PSMA7: variants seen among roughly 807,000 people sequenced by gnomAD.
The protein encoded by PSMA7 is proteasome subunit alpha type-7.
PSMA7 carries 5 observed loss-of-function variants against 31.3 expected under a neutral mutation model. The observed-to-expected ratio is 0.16, with a 90% CI of 0.08 to 0.34. The LOEUF (loss-of-function observed/expected upper bound fraction) is 0.34, where lower values mean the gene tolerates loss of function less well. PSMA7 is among the 10% of genes least tolerant of loss of function. The pLI is 1.00. For missense variants in PSMA7, 217 were observed against 327.5 expected (o/e 0.66, Z 2.60); for synonymous variants, 155 against 121.9 (o/e 1.27, Z -1.79).
intron 2 of PSMA7, among the ~76,000 whole-genome samples, chr20:62,140,352 T>A (rs1600968157): frequency 6.6e-6 from 1 of 152,202 alleles, no homozygotes; most frequent in East Asian, 1.9e-4. Context: ...TTACATGAAT[T>A]GAGATCTTCC....
At chr20:62,138,517 A>G (rs1485245545) in intron 4 of PSMA7, among the ~76,000 whole-genome samples, 1 of 145,590 alleles carries the variant, frequency 6.9e-6, no homozygotes, top group Non-Finnish European at 1.5e-5. Flanking sequence ...ATACGATTGT[A>G]TGTTTTACTG....
rs764650944 is a variant in PSMA7, at chr20:62,143,316, C to T, written c.-13G>A. Reference sequence around the variant, plus strand: ...GGTCGTAGCTCATGCCGGCGGGCGGCGGCCGGGCTCCTTCCGCCGCGACTC... The same window carrying T: ...GGTCGTAGCTCATGCCGGCGGGCGGTGGCCGGGCTCCTTCCGCCGCGACTC... On this transcript the variant is annotated 5_prime_UTR_variant, in exon 1 of 7. Transcript: ENST00000370873. 251 of 1,384,896 alleles carry T rather than the reference C, an allele frequency of 1.8e-4. No homozygotes were observed. Among genetic ancestry groups the T allele is most frequent in the Non-Finnish European group, 2.3e-4 (242 of 1,053,820 alleles). The allele number at this position is 1,384,896 out of a possible 1,614,324, so 85.8% of individuals were successfully genotyped here. A position where few individuals can be genotyped will look rare whatever the true frequency, so the allele number is the denominator to read the frequency against.
At chr20:62,137,592 G>T in intron 5 of PSMA7, 166 bp from the exon 6 acceptor site, 1 of 671,402 alleles carries the variant, frequency 1.5e-6, no homozygotes, top group Non-Finnish European at 2.6e-6. Flanking sequence ...ATGGCCATTT[G>T]TGAAGTCTGT....
Position 62,143,235 on chromosome 20 carries a change from CT to C in PSMA7, c.68del (p.Gln23ArgfsTer60). 1 of 1,468,856 alleles carries C rather than the reference CT, an allele frequency of 6.8e-7. No homozygotes were observed. Among genetic ancestry groups the C allele is most frequent in the South Asian group, 1.2e-5 (1 of 82,108 alleles). The allele number at this position is 1,468,856 out of a possible 1,614,324, so 91.0% of individuals were successfully genotyped here. A position where few individuals can be genotyped will look rare whatever the true frequency, so the allele number is the denominator to read the frequency against. ...CGGTCGAGCCCTTCTTGACGGCCTC[CT>C]GCGCGTACTCCACTTGGAAGAGGTG... is the stretch of plus-strand genomic sequence containing the variant. ...DGHLFQVEYA[Q>X]EAVKKGSTAV... On this transcript the variant is annotated frameshift_variant, in exon 1 of 7. Coordinates refer to ENST00000370873, the MANE Select transcript of PSMA7 (RefSeq NM_002792.4). LOFTEE classifies it high-confidence loss of function.
intron 1 of PSMA7, chr20:62,142,633 G>C (rs2056940462): frequency 1.3e-5 from 2 of 152,244 alleles, no homozygotes; most frequent in South Asian, 4.1e-4. Flanking sequence ...TCCCGGCAGA[G>C]TGCGGAGACC....
chr20:62,139,458 A>G (rs1600967344), intron 3 of PSMA7: 1 of 638,882 alleles, frequency 1.6e-6, no homozygotes, highest in Non-Finnish European at 2.7e-6. Flanking sequence ...TTCTGCTTAC[A>G]TACTAATGGC....
Position 62,138,210 on chromosome 20 carries a change from A to T in PSMA7, c.552T>A (p.Asp184Glu), listed in dbSNP as rs749923673. 1 of 1,614,258 alleles carries T rather than the reference A, an allele frequency of 6.2e-7. No homozygotes were observed. Among genetic ancestry groups the T allele is most frequent in the South Asian group, 1.1e-5 (1 of 91,088 alleles). The change falls in exon 5 of 7, where the codon GAT becomes GAA. Residue 184 changes from aspartate (D) to glutamate (E), a missense_variant. Transcript: ENST00000370873. ...TGATCACCAGCTTAATGGTCAGATC[A>T]TCTGTTTCAATGGCTTCGTCAGTAT... ...KNYTDEAIET[D>E]DLTIKLVIKA...
intron 3 of PSMA7, 196 bp downstream of exon 3, chr20:62,139,585 C>T: frequency 1.1e-6 from 1 of 898,910 alleles, no homozygotes; most frequent in Non-Finnish European, 1.7e-6. Context: ...TATCCCATGC[C>T]AGGAACTGAG....
chr20:62,141,173 G>C (rs1258240789), intron 1 of PSMA7, among the ~76,000 whole-genome samples: 1 of 152,230 alleles, frequency 6.6e-6, no homozygotes, highest in Non-Finnish European at 1.5e-5. Context: ...GGGGGCTGGT[G>C]GGAGGATCGC....
chr20:62,142,753 G>A (rs113522942), intron 1 of PSMA7, among the ~76,000 whole-genome samples: 3,934 of 152,302 alleles, frequency 0.026, 71 homozygotes, highest in Non-Finnish European at 0.038. Flanking sequence ...CCATAAGGGG[G>A]GTTTGAGTAG....
intron 5 of PSMA7, 125 bp downstream of exon 5, chr20:62,138,046 A>C: frequency 9.2e-6 from 12 of 1,310,272 alleles, no homozygotes; most frequent in Non-Finnish European, 1.3e-5. Context: ...CAGTGCCTGG[A>C]ACACAGCAGT....
Position 62,143,321 on chromosome 20 carries a change from G to T in PSMA7, c.-18C>A, listed in dbSNP as rs1398011489. ...TAGCTCATGCCGGCGGGCGGCGGCC[G>T]GGCTCCTTCCGCCGCGACTCTCAAA... is the stretch of plus-strand genomic sequence containing the variant. On this transcript the variant is annotated 5_prime_UTR_variant, in exon 1 of 7. Transcript: ENST00000370873. The T allele has an allele frequency of 3.6e-6, 5 of 1,378,174 alleles. No homozygotes were observed. The Admixed American group carries it at 9.8e-5, about 27-fold the overall frequency. 85.4% of individuals were successfully genotyped at this position (1,378,174 alleles called of 1,614,324 possible).
At chr20:62,140,074 T>C (rs1488347579) in intron 2 of PSMA7, among the ~76,000 whole-genome samples, 169 bp from the exon 3 acceptor site, 2 of 152,282 alleles carry the variant, frequency 1.3e-5, no homozygotes, top group East Asian at 1.9e-4. Flanking sequence ...TTCCAGGAAA[T>C]TGGGTACAGA....
In PSMA7 at chr20:62,143,334, C is replaced by T. The variant is rs1216456452; in HGVS notation, c.-31G>A. 3.7e-6 allele frequency: 5 copies of T among 1,342,494 alleles called. No individual in the cohort carries two copies. The highest frequency in any genetic ancestry group is 3.9e-6 in the Non-Finnish European group (4 of 1,023,828). 83.2% of individuals were successfully genotyped at this position (1,342,494 alleles called of 1,614,324 possible). A position where few individuals can be genotyped will look rare whatever the true frequency, so the allele number is the denominator to read the frequency against. ...CGGGCGGCGGCCGGGCTCCTTCCGC[C>T]GCGACTCTCAAAAGCGCACACTCAC... On this transcript the variant is annotated 5_prime_UTR_variant, in exon 1 of 7. Coordinates refer to ENST00000370873, the MANE Select transcript of PSMA7 (RefSeq NM_002792.4).
chr20:62,139,663 C>T, intron 3 of PSMA7, 118 bp downstream of exon 3: 1 of 1,531,224 alleles, frequency 6.5e-7, no homozygotes, highest in Non-Finnish European at 9.0e-7. Flanking sequence ...AGATTAGGAT[C>T]ACGCCCCAGA....
At chr20:62,138,326 G>A in intron 4 of PSMA7, 36 bp from the exon 5 acceptor site, 1 of 1,561,570 alleles carries the variant, frequency 6.4e-7, no homozygotes, top group Non-Finnish European at 8.7e-7. Context: ...GTGGCATAGG[G>A]CATGACAACC....
At chr20:62,139,223 G>A (rs1411731483) in intron 3 of PSMA7, 26 bp from the exon 4 acceptor site, 3 of 1,603,328 alleles carry the variant, frequency 1.9e-6, no homozygotes, top group Non-Finnish European at 2.6e-6. Context: ...ACAGGTCAGT[G>A]CCATCCAATT....
rs370800431 is a variant in PSMA7 at position 62,139,796 on chromosome 20, G to A, written c.333C>T (p.Ile111=). 16 of 1,613,964 alleles carry A rather than the reference G, an allele frequency of 9.9e-6. No individual in the cohort carries two copies. Among genetic ancestry groups the A allele is most frequent in the South Asian group, 2.2e-5 (2 of 91,094 alleles). ...AGGCACCCACCTGCTTCAGACTGGC[G>A]ATGTAGCGGGTGATGTACTCCACAG... is the stretch of plus-strand genomic sequence containing the variant. ...PVTVEYITRY[I]ASLKQRYTQS... is the part of the protein sequence containing the mutation. Residue 111 remains isoleucine, a synonymous_variant, in exon 3 of 7, where the codon ATC becomes ATT. Coordinates refer to ENST00000370873, the MANE Select transcript of PSMA7 (RefSeq NM_002792.4).
At chr20:62,138,712 G>A (rs2056909760) in intron 4 of PSMA7, among the ~76,000 whole-genome samples, 2 of 151,926 alleles carry the variant, frequency 1.3e-5, no homozygotes, top group African/African-American at 4.8e-5. Context: ...GTGCCACCAT[G>A]CCCAGCAAAT....
Sources: allele counts gnomAD v4.1 joint callset (sites outside exome capture counted in the v4.1 genomes callset), GRCh38; gene constraint gnomAD v4.1.1; transcripts MANE v1.5; gene names NCBI Gene and HGNC (gene_info 2026-07-23, HGNC 2026-07-21).